The following MRPS35 variants were observed in gnomAD, a reference collection of about 807,000 sequenced individuals.
MRPS35 encodes the protein mitochondrial ribosomal protein S35, also known as small ribosomal subunit protein mS35.
A neutral mutation model predicts 32.7 loss-of-function variants in MRPS35; 29 were observed. The ratio of observed to expected loss-of-function variants is 0.89; its 90% CI spans 0.66 to 1.21. The LOEUF (loss-of-function observed/expected upper bound fraction) is 1.21, where lower values mean the gene tolerates loss of function less well. Ranked by LOEUF, MRPS35 falls within the 50% of genes most tolerant of loss-of-function variation. The pLI is 0.00. For missense variants in MRPS35, 373 were observed against 383.8 expected, an observed-to-expected ratio of 0.97 and a Z score of 0.23; for synonymous variants, 148 against 139.3, an observed-to-expected ratio of 1.06 and a Z score of -0.44.
intron 3 of MRPS35, among the ~76,000 whole-genome samples, chr12:27,718,160 C>T (rs964561548): frequency 6.6e-6 from 1 of 152,178 alleles, no homozygotes; most frequent in Non-Finnish European, 1.5e-5. Flanking sequence ...TGTGGTGGCT[C>T]ACACCCGTAA....
At position 27,724,152 on chromosome 12, in the gene MRPS35, T is replaced by G. The variant is rs746168201; in HGVS notation, c.488T>G (p.Val163Gly). Reference protein sequence around the residue: ...STDYVSSGPSVRNPRARVVVL... With the variant: ...STDYVSSGPSGRNPRARVVVL... ...GATTATGTTTCATCAGGACCATCTG[T>G]TCGGAACCCCAGAGCACGAGTAGTA... is the stretch of plus-strand genomic sequence containing the variant. Residue 163 changes from valine to glycine, a missense_variant, in exon 5 of 8, where the codon GTT (valine) becomes GGT (glycine). Physicochemically the swap from Val to Gly is moderately radical, Grantham distance 109. Transcript: ENST00000081029. 2 of 1,604,788 alleles carry G rather than the reference T, an allele frequency of 1.2e-6. No homozygotes were observed. Among genetic ancestry groups the G allele is most frequent in the South Asian group, 2.2e-5 (2 of 89,202 alleles).
chr12:27,735,423 C>G (rs376321527), intron 5 of MRPS35, 24 bp from the exon 6 acceptor site: 54 of 1,502,896 alleles, frequency 3.6e-5, no homozygotes, highest in African/African-American at 7.1e-5. Context: ...ATTATTTTTT[C>G]AAATAACTTT....
Position 27,736,467 on chromosome 12 carries a change from T to C in MRPS35, c.632+911T>C, listed in dbSNP as rs189421352. 1.2e-4 allele frequency among the ~76,000 whole-genome samples: 18 copies of C among 151,910 alleles called. No homozygotes were observed. In the Admixed American group the frequency reaches 1.2e-3, roughly 10 times the overall value. ...TTAAAAAATGCCTTTAAAATGTTAT[T>C]GTTTGAAATTCTGTGAGTATCCAAT... On this transcript the variant is annotated intron_variant, in intron 6 of 7. Transcript: ENST00000081029.
At chr12:27,752,163 G>T (rs1367004311) in intron 7 of MRPS35, among the ~76,000 whole-genome samples, 1 of 152,112 alleles carries the variant, frequency 6.6e-6, no homozygotes, top group African/African-American at 2.4e-5. Context: ...GAGGCAGGAG[G>T]GTCCTTTGAG....
At chr12:27,751,102 CAAAA>C (rs71438703) in intron 7 of MRPS35, among the ~76,000 whole-genome samples, 2 of 38,138 alleles carry the variant, frequency 5.2e-5, no homozygotes, top group South Asian at 1.8e-3. Context: ...GACTCCATCT[CAAAA>C]AAAAAAAAAA....
chr12:27,725,494 A>G, intron 5 of MRPS35: 1 of 159,676 alleles, frequency 6.3e-6, no homozygotes, highest in Non-Finnish European at 1.4e-5. Flanking sequence ...GATGTTCCTA[A>G]GATAACTTCC....
At chr12:27,739,756 C>T (rs533524222) in intron 7 of MRPS35, among the ~76,000 whole-genome samples, 10 of 152,248 alleles carry the variant, frequency 6.6e-5, no homozygotes, top group African/African-American at 2.2e-4. Context: ...AAATACAACC[C>T]GTTTTGACTT....
In MRPS35 at chr12:27,710,902, G is replaced by T; in HGVS notation, c.59G>T (p.Arg20Leu). The T allele has an allele frequency of 6.2e-7, 1 of 1,613,004 alleles. No individual in the cohort carries two copies. Among genetic ancestry groups the T allele is most frequent in the Non-Finnish European group, 8.5e-7 (1 of 1,179,914 alleles). ...LSLQSRARTL[R>L]AFSTAVYSAT... The stretch of plus-strand genomic sequence containing the variant: ...CTGCAGTCGAGGGCAAGGACTCTGC[G>T]TGCATTCTCCACTGCCGTCTACTCG... Residue 20 changes from arginine to leucine, a missense_variant, in exon 1 of 8, where the codon CGT (arginine) becomes CTT (leucine). By Grantham distance (102) the Arg-to-Leu change is moderately radical. Transcript: ENST00000081029.
At chr12:27,721,191 G>T (rs1217291394) in intron 4 of MRPS35, among the ~76,000 whole-genome samples, 1 of 152,158 alleles carries the variant, frequency 6.6e-6, no homozygotes, top group Non-Finnish European at 1.5e-5. Context: ...ACTATATAAA[G>T]AGGTCCTAAA....
In MRPS35 at chr12:27,711,498, A is replaced by G. The variant is rs768301010; in HGVS notation, c.112+543A>G. Among the ~76,000 whole-genome samples the G allele has an allele frequency of 3.3e-5, 5 of 152,168 alleles. No individual in the cohort carries two copies. In the South Asian group the frequency reaches 6.2e-4, roughly 19 times the overall value. ...ACAGATTTATTAGCGGAGAAGTGCTATGTAGGGTGAGAGGCGCTGTGATAG... is the reference window on the plus strand; with the variant it reads ...ACAGATTTATTAGCGGAGAAGTGCTGTGTAGGGTGAGAGGCGCTGTGATAG... On this transcript the variant is annotated intron_variant, in intron 1 of 7. Coordinates refer to ENST00000081029, the MANE Select transcript of MRPS35 (RefSeq NM_021821.4).
At chr12:27,750,128 TTAGTG>T (rs1321257225) in intron 7 of MRPS35, among the ~76,000 whole-genome samples, 1 of 152,228 alleles carries the variant, frequency 6.6e-6, no homozygotes, top group Non-Finnish European at 1.5e-5. Flanking sequence ...TTCATTCCAT[TTAGTG>T]TAAATATTCA....
intron 5 of MRPS35, among the ~76,000 whole-genome samples, chr12:27,731,207 A>G (rs2061920929): frequency 6.6e-6 from 1 of 152,032 alleles, no homozygotes; most frequent in African/African-American, 2.4e-5. Context: ...TGGCACTACA[A>G]AATGCTCTGG....
Position 27,715,184 on chromosome 12 carries a change from G to A in MRPS35, c.153+364G>A, listed in dbSNP as rs544328970. ...AGAGTTTCCCACTTGTTGCCCAGCT[G>A]GAGTGCAGTGGTGCAGTCTTGGCTC... On this transcript the variant is annotated intron_variant, in intron 2 of 7. Transcript: ENST00000081029. Among the ~76,000 whole-genome samples, 4 of 152,280 alleles carry A rather than the reference G, an allele frequency of 2.6e-5. No individual in the cohort carries two copies. In the South Asian group the frequency reaches 6.2e-4, roughly 24 times the overall value.
At chr12:27,735,768 A>T (rs530074915) in intron 6 of MRPS35, among the ~76,000 whole-genome samples, 1 of 152,318 alleles carries the variant, frequency 6.6e-6, no homozygotes, top group Non-Finnish European at 1.5e-5. Flanking sequence ...AGCTAATTTA[A>T]TGTTATTTTT....
At chr12:27,723,455 T>C (rs1481231703) in intron 4 of MRPS35, among the ~76,000 whole-genome samples, 1 of 152,142 alleles carries the variant, frequency 6.6e-6, no homozygotes, top group Non-Finnish European at 1.5e-5. Flanking sequence ...TTTAACCCCA[T>C]TGGCACATAG....
At chr12:27,721,113 A>T (rs2061872480) in intron 4 of MRPS35, among the ~76,000 whole-genome samples, 1 of 152,218 alleles carries the variant, frequency 6.6e-6, no homozygotes, top group Admixed American at 6.5e-5. Context: ...GGAGATGTGG[A>T]ATAGTAAACA....
chr12:27,713,573 AAG>A (rs1289747894), intron 1 of MRPS35, among the ~76,000 whole-genome samples: 4 of 151,370 alleles, frequency 2.6e-5, no homozygotes, highest in Admixed American at 1.3e-4. Context: ...CCAGGTCCAG[AAG>A]AGAGAGAGAG....
chr12:27,740,729 A>G (rs1055104557), intron 7 of MRPS35, among the ~76,000 whole-genome samples: 1 of 152,250 alleles, frequency 6.6e-6, no homozygotes, highest in African/African-American at 2.4e-5. Flanking sequence ...TATTCAAAAC[A>G]GTTTAACTAT....
At chr12:27,726,654 C>CTAAT (rs1488633211) in intron 5 of MRPS35, among the ~76,000 whole-genome samples, 1 of 152,136 alleles carries the variant, frequency 6.6e-6, no homozygotes, top group Non-Finnish European at 1.5e-5. Context: ...CACATCCTCA[C>CTAAT]TAATGGTTAT....
Sources: gnomAD v4.1 joint callset for allele counts (sites outside exome capture counted in the v4.1 genomes callset) on GRCh38, gnomAD v4.1.1 for gene constraint, MANE v1.5 for transcripts, NCBI Gene and HGNC (gene_info 2026-07-23, HGNC 2026-07-21) for gene names.